The following KCTD19 variants were observed in gnomAD, a reference collection of about 807,000 sequenced individuals.
KCTD19 encodes BTB/POZ domain-containing protein KCTD19.
KCTD19 carries 67 observed loss-of-function variants against 103.5 expected under a neutral mutation model. The observed-to-expected ratio is 0.65, with a 90% CI of 0.53 to 0.79. The LOEUF (loss-of-function observed/expected upper bound fraction) is 0.79, where lower values mean the gene tolerates loss of function less well. Ranked by LOEUF, KCTD19 falls within the 30% of genes least tolerant of loss-of-function variation. KCTD19 has a pLI of 0.00. For synonymous variants in KCTD19, 439 were observed against 452.2 expected, an observed-to-expected ratio of 0.97 and a Z score of 0.37; for missense variants, 980 against 1,136.1, an observed-to-expected ratio of 0.86 and a Z score of 1.98.
In KCTD19 at chr16:67,296,238, G is replaced by A. The variant is rs763745952; in HGVS notation, c.1169C>T (p.Thr390Ile). 1 of 1,612,740 alleles carries A rather than the reference G, an allele frequency of 6.2e-7. No homozygotes were observed. The highest frequency in any genetic ancestry group is 8.5e-7 in the Non-Finnish European group (1 of 1,178,706). The change falls in exon 8 of 16, where the codon ACT becomes ATT. Residue 390 changes from threonine to isoleucine, a missense_variant. By Grantham distance (89) the Thr-to-Ile change is moderately conservative. Coordinates refer to ENST00000304372, the MANE Select transcript of KCTD19 (RefSeq NM_001100915.3). ...GATGATCTGTTGTGGGGAATACACA[G>A]TGATCTCTGCCGTCCACTCATCTAT... ...DVLNEWTAEI[T>I]VYSPQQIIKV... is the part of the protein sequence containing the mutation.
intron 4 of KCTD19, 91 bp from the exon 5 acceptor site, chr16:67,302,013 C>T: frequency 8.3e-7 from 1 of 1,202,414 alleles, no homozygotes; most frequent in South Asian, 1.3e-5. Flanking sequence ...GGTGCTGTAA[C>T]TTATCCTAGG....
intron 5 of KCTD19, 114 bp downstream of exon 5, chr16:67,301,677 A>G (rs565844019): frequency 2.2e-5 from 21 of 975,084 alleles, no homozygotes; most frequent in East Asian, 7.3e-5. Context: ...AGAAAACCCA[A>G]TCCTCTCACT....
Position 67,296,224 on chromosome 16 carries a change from G to T in KCTD19, c.1183C>A (p.Gln395Lys), listed in dbSNP as rs2036762937. 6.2e-7 allele frequency: 1 copy of T among 1,613,432 alleles called. No individual in the cohort carries two copies. The highest frequency in any genetic ancestry group is 1.3e-5 in the African/African-American group (1 of 74,922). ...WTAEITVYSPQQIIKVYVGSH... is the reference protein window; with the variant it reads ...WTAEITVYSPKQIIKVYVGSH... Reference sequence around the variant, plus strand: ...CCAACATACACTTTGATGATCTGTTGTGGGGAATACACAGTGATCTCTGCC... The same window carrying T: ...CCAACATACACTTTGATGATCTGTTTTGGGGAATACACAGTGATCTCTGCC... Residue 395 changes from glutamine (Q) to lysine (K), a missense_variant, in exon 8 of 16, where the codon CAA becomes AAA. Coordinates refer to ENST00000304372, the MANE Select transcript of KCTD19 (RefSeq NM_001100915.3).
chr16:67,291,607 C>T lies in KCTD19; in HGVS notation c.2410+39G>A, dbSNP rs376545233. The stretch of plus-strand genomic sequence containing the variant: ...CTGGGAGGGGGCTCAGGCATCCTCA[C>T]GAGGAGGCGCAGGGCTCGGCCTGGC... On this transcript the variant is annotated intron_variant, in intron 13 of 15. Coordinates refer to ENST00000304372, the MANE Select transcript of KCTD19 (RefSeq NM_001100915.3). 732 of 1,592,934 alleles carry T rather than the reference C, an allele frequency of 4.6e-4. 1 individual carries two copies. Among genetic ancestry groups the T allele is most frequent in the Non-Finnish European group, 5.8e-4 (671 of 1,165,640 alleles).
At chr16:67,326,582 C>T in intron 1 of KCTD19, 123 bp downstream of exon 1, 2 of 1,345,478 alleles carry the variant, frequency 1.5e-6, no homozygotes, top group Non-Finnish European at 2.0e-6. Context: ...CGGCTGGGGG[C>T]CCCTCGCTCT....
intron 5 of KCTD19, chr16:67,299,911 A>C (rs2036815487): frequency 3.5e-6 from 1 of 284,074 alleles, no homozygotes; most frequent in Admixed American, 5.1e-5. Context: ...TTCTGTAACC[A>C]TCCAAAGGTA....
chr16:67,321,622 GAGA>G, intron 1 of KCTD19: 1 of 152,054 alleles, frequency 6.6e-6, no homozygotes, highest in African/African-American at 2.4e-5. Flanking sequence ...TTGAAAAAAG[GAGA>G]ACGTTTAAGA....
At chr16:67,304,187 G>A (rs1191680208) in intron 3 of KCTD19, among the ~76,000 whole-genome samples, 3 of 152,190 alleles carry the variant, frequency 2.0e-5, no homozygotes, top group Admixed American at 6.5e-5. Flanking sequence ...ATGAAACCTC[G>A]CCTTGCCCAC....
chr16:67,294,074 T>C lies in KCTD19; in HGVS notation c.1688A>G (p.Glu563Gly), dbSNP rs1196172147. ...GATGGGCCGAGTGTACTGCTCAGCC[T>C]CATCCATCTGGTTGGACCTGACCAG... ...GNLVRSNQMD[E>G]AEQYTRPIQV... Residue 563 changes from glutamate (E) to glycine (G), a missense_variant, in exon 12 of 16, where the codon GAG becomes GGG. By Grantham distance (98) the Glu-to-Gly change is moderately conservative (BLOSUM62 -2). Coordinates refer to ENST00000304372, the MANE Select transcript of KCTD19 (RefSeq NM_001100915.3). 1.7e-5 allele frequency: 28 copies of C among 1,614,082 alleles called. No homozygotes were observed. The highest frequency in any genetic ancestry group is 1.8e-5 in the Non-Finnish European group (21 of 1,180,036).
intron 2 of KCTD19, among the ~76,000 whole-genome samples, chr16:67,313,926 G>A (rs532820466): frequency 4.6e-5 from 7 of 151,612 alleles, no homozygotes; most frequent in East Asian, 3.9e-4. Flanking sequence ...GTGAAATCTC[G>A]GCTCACTACA....
In KCTD19 at chr16:67,303,002, G is replaced by A. The variant is rs761525536; in HGVS notation, c.643+144C>T. 51 of 690,652 alleles carry A rather than the reference G, an allele frequency of 7.4e-5. No individual in the cohort carries two copies. The highest frequency in any genetic ancestry group is 1.2e-4 in the Non-Finnish European group (50 of 409,940). 42.8% of individuals were successfully genotyped at this position (690,652 alleles called of 1,614,324 possible). On this transcript the variant is annotated intron_variant, in intron 4 of 15. Coordinates refer to ENST00000304372, the MANE Select transcript of KCTD19 (RefSeq NM_001100915.3). This position sits in a 1 kb window ranked among gnomAD's most constrained non-coding sequence, Gnocchi z 4.3. Reference sequence around the variant, plus strand: ...CTGGAATCTGCTTGCTTCCTGGAAGGCTCTGTCATGCTTCCGCTACCTCTG... The same window carrying A: ...CTGGAATCTGCTTGCTTCCTGGAAGACTCTGTCATGCTTCCGCTACCTCTG...
chr16:67,316,181 A>C (rs2037011818), intron 2 of KCTD19, among the ~76,000 whole-genome samples: 1 of 151,900 alleles, frequency 6.6e-6, no homozygotes, highest in African/African-American at 2.4e-5. Flanking sequence ...AGCTGGGACC[A>C]CAGGCATGCA....
In KCTD19 at chr16:67,320,533, A is replaced by T. The variant is rs2142524738; in HGVS notation, c.300+56T>A. On this transcript the variant is annotated intron_variant, in intron 2 of 15. Transcript: ENST00000304372. The surrounding 1 kb of genome is among the most constrained non-coding windows in gnomAD (Gnocchi z 4.0). ...CAATATATAACAGGAAACAATATTT[A>T]GTGATGTAAAGCCATGTTACTGATC... 6.6e-7 allele frequency: 1 copy of T among 1,516,328 alleles called. No homozygotes were observed. The highest frequency in any genetic ancestry group is 9.0e-7 in the Non-Finnish European group (1 of 1,107,860). The allele number at this position is 1,516,328 out of a possible 1,614,324, so 93.9% of individuals were successfully genotyped here.
intron 2 of KCTD19, among the ~76,000 whole-genome samples, chr16:67,311,581 G>A (rs1031987782): frequency 3.3e-5 from 5 of 152,066 alleles, no homozygotes; most frequent in African/African-American, 7.2e-5. Context: ...GATTACAGGC[G>A]CGAGCCACCG....
rs773958217 is a variant in KCTD19 at position 67,297,582 on chromosome 16, C to T, written c.1068G>A (p.Arg356=). 5 of 1,614,056 alleles carry T rather than the reference C, an allele frequency of 3.1e-6. No homozygotes were observed. Among genetic ancestry groups the T allele is most frequent in the East Asian group, 2.2e-5 (1 of 44,874 alleles). The part of the protein sequence containing the change: ...VYELCAFLDK[R]DITYEPIKVA... The stretch of plus-strand genomic sequence containing the variant: ...CTTTGATTGGCTCGTAGGTGATGTC[C>T]CTTTTGTCTAGGAAGGCACAGAGCT... Residue 356 remains arginine (R), a synonymous_variant, in exon 7 of 16, where the codon AGG becomes AGA. Transcript: ENST00000304372.
chr16:67,315,564 C>T (rs1184873919), intron 2 of KCTD19, among the ~76,000 whole-genome samples: 4 of 152,146 alleles, frequency 2.6e-5, no homozygotes, highest in African/African-American at 7.2e-5. Context: ...TCACTGTAAC[C>T]TCCGCCTCCC....
intron 10 of KCTD19, 114 bp from the exon 11 acceptor site, chr16:67,294,808 G>T: frequency 1.1e-6 from 1 of 942,854 alleles, no homozygotes; most frequent in East Asian, 2.4e-5. Flanking sequence ...GGGAAGAAGG[G>T]GCTCTTAAAG....
chr16:67,291,730 T>A lies in KCTD19; in HGVS notation c.2326A>T (p.Met776Leu). 1.9e-6 allele frequency: 3 copies of A among 1,614,140 alleles called. No individual in the cohort carries two copies. Among genetic ancestry groups the A allele is most frequent in the South Asian group, 1.1e-5 (1 of 91,078 alleles). The change falls in exon 13 of 16, where the codon ATG (methionine) becomes TTG (leucine). Residue 776 changes from methionine to leucine, a missense_variant. By Grantham distance (15) the Met-to-Leu change is conservative. Transcript: ENST00000304372. ...PPVVGSDGFC[M>L]FFEDSIIYTT... ...TAGATGATGCTGTCCTCAAAGAACA[T>A]GCAGAAGCCATCGCTGCCCACCACG...
chr16:67,309,756 T>C (rs1390961433), intron 2 of KCTD19, among the ~76,000 whole-genome samples: 1 of 152,084 alleles, frequency 6.6e-6, no homozygotes, highest in African/African-American at 2.4e-5. Flanking sequence ...ACACTCCTAT[T>C]TGGAGGTGTT....
Sources: allele counts gnomAD v4.1 joint callset (sites outside exome capture counted in the v4.1 genomes callset), GRCh38; gene constraint gnomAD v4.1.1; non-coding constraint Gnocchi (gnomAD v3.1); transcripts MANE v1.5; gene names NCBI Gene and HGNC (gene_info 2026-07-23, HGNC 2026-07-21).